The following C8orf88 variants were observed in gnomAD, a reference collection of about 807,000 sequenced individuals.
C8orf88 encodes chromosome 8 open reading frame 88.
A neutral mutation model predicts 18.4 loss-of-function variants in C8orf88; 14 were observed. The observed-to-expected ratio is 0.76, with a 90% CI of 0.50 to 1.19. The LOEUF (loss-of-function observed/expected upper bound fraction) is 1.19. Ranked by LOEUF, C8orf88 falls within the 50% of genes most tolerant of loss-of-function variation. C8orf88 has a pLI of 0.00. For missense variants in C8orf88, 116 were observed against 134.7 expected (o/e 0.86, Z 0.69); for synonymous variants, 45 against 42.9 (o/e 1.05, Z -0.19).
chr8:90,967,941 A>G (rs879826836), intron 4 of C8orf88, among the ~76,000 whole-genome samples: 3 of 151,778 alleles, frequency 2.0e-5, no homozygotes, highest in Non-Finnish European at 4.4e-5. Context: ...AAATGGGAAG[A>G]TTTCTTATAT....
chr8:90,976,021 C>T (rs1384033336), intron 3 of C8orf88, among the ~76,000 whole-genome samples: 1 of 150,940 alleles, frequency 6.6e-6, no homozygotes, highest in Admixed American at 6.6e-5. Flanking sequence ...AAGGAATATA[C>T]ATGATATTTT....
chr8:90,962,412 TAA>T (rs35136728), intron 4 of C8orf88, among the ~76,000 whole-genome samples: 1 of 151,460 alleles, frequency 6.6e-6, no homozygotes, highest in Non-Finnish European at 1.5e-5. Context: ...TAGAGAACTC[TAA>T]AAGTCTTTCA....
At position 90,960,751 on chromosome 8, in the gene C8orf88, CAGTA is replaced by C. The variant is rs1811114108; in HGVS notation, c.317_320del (p.Val106GlyfsTer30). 6.6e-6 allele frequency: 10 copies of C among 1,520,540 alleles called. No individual in the cohort carries two copies. In the South Asian group the frequency reaches 1.1e-4, roughly 17 times the overall value. 94.2% of individuals were successfully genotyped at this position (1,520,540 alleles called of 1,614,324 possible). A position where few individuals can be genotyped will look rare whatever the true frequency, so the allele number is the denominator to read the frequency against. On this transcript the variant is annotated frameshift_variant, in exon 5 of 6. Coordinates refer to ENST00000517562, the MANE Select transcript of C8orf88 (RefSeq NM_001190972.2). LOFTEE classifies it high-confidence loss of function. The stretch of plus-strand genomic sequence containing the variant: ...TTAGAAAACTACTTACTGGTTTTTG[CAGTA>C]CAATGGGATGATCAGGCAGAAAGTC...
At chr8:90,981,764 C>T (rs944044153) in intron 1 of C8orf88, among the ~76,000 whole-genome samples, 9 of 152,062 alleles carry the variant, frequency 5.9e-5, no homozygotes, top group African/African-American at 2.2e-4. Flanking sequence ...CTAAGTACCT[C>T]GTCATTGCAA....
At chr8:90,981,602 A>G (rs1811436211) in intron 1 of C8orf88, among the ~76,000 whole-genome samples, 1 of 152,144 alleles carries the variant, frequency 6.6e-6, no homozygotes, top group Non-Finnish European at 1.5e-5. Context: ...TCCCTACTGT[A>G]TTTTATCACT....
chr8:90,965,220 G>A (rs1169315188), intron 4 of C8orf88, among the ~76,000 whole-genome samples: 1 of 151,688 alleles, frequency 6.6e-6, no homozygotes. Context: ...AAAGAGAGCT[G>A]AAGTGAGTAT....
rs1811113783 is a variant in C8orf88 at position 90,960,729 on chromosome 8, G to A, written c.330+13C>T. ...AATATAATATTACAATACAAACTTA[G>A]AAAACTACTTACTGGTTTTTGCAGT... On this transcript the variant is annotated intron_variant, in intron 5 of 5. Transcript: ENST00000517562. The A allele has an allele frequency of 6.8e-7, 1 of 1,465,158 alleles. No homozygotes were observed. Among genetic ancestry groups the A allele is most frequent in the Non-Finnish European group, 9.2e-7 (1 of 1,092,420 alleles). 90.8% of individuals were successfully genotyped at this position (1,465,158 alleles called of 1,614,324 possible).
At chr8:90,972,789 C>A (rs1811301667) in intron 3 of C8orf88, among the ~76,000 whole-genome samples, 1 of 151,988 alleles carries the variant, frequency 6.6e-6, no homozygotes, top group African/African-American at 2.4e-5. Flanking sequence ...CTCAAGGCTA[C>A]TATGTAAATT....
At chr8:90,978,105 T>A (rs1448397719) in intron 3 of C8orf88, among the ~76,000 whole-genome samples, 1 of 152,220 alleles carries the variant, frequency 6.6e-6, no homozygotes, top group African/African-American at 2.4e-5. Context: ...AACTTTTCAA[T>A]AAATGTCATT....
intron 4 of C8orf88, among the ~76,000 whole-genome samples, chr8:90,962,385 C>T (rs547688302): frequency 2.0e-5 from 3 of 151,606 alleles, no homozygotes; most frequent in African/African-American, 4.8e-5. Flanking sequence ...TAAGTGAAGT[C>T]AGGGAAAATA....
At chr8:90,961,783 T>G (rs1811131798) in intron 4 of C8orf88, among the ~76,000 whole-genome samples, 1 of 151,410 alleles carries the variant, frequency 6.6e-6, no homozygotes. Flanking sequence ...AGATAATATA[T>G]AGATGAAGGG....
chr8:90,975,932 A>T (rs1444377181), intron 3 of C8orf88, among the ~76,000 whole-genome samples: 1 of 72,314 alleles, frequency 1.4e-5, no homozygotes, highest in Non-Finnish European at 2.3e-5. Context: ...ATTCCACATT[A>T]AAAAAAAAAA....
At chr8:90,964,209 A>G (rs900906849) in intron 4 of C8orf88, among the ~76,000 whole-genome samples, 1 of 151,700 alleles carries the variant, frequency 6.6e-6, no homozygotes, top group African/African-American at 2.4e-5. Context: ...GTATAATAAA[A>G]GAGATTCTTC....
rs397791787 is a variant in C8orf88, at chr8:90,975,943, A to AC, written c.147+2635dup. ...CACTATTCCACATTAAAAAAAAAAA[A>AC]CAACTACTGATATATACAACATGAA... On this transcript the variant is annotated intron_variant, in intron 3 of 5. Transcript: ENST00000517562. Among the ~76,000 whole-genome samples the AC allele has an allele frequency of 3.0e-3, 449 of 151,724 alleles. 1 individual carries two copies. The highest frequency in any genetic ancestry group is 6.6e-3 in the African/African-American group (275 of 41,372).
chr8:90,970,866 C>G (rs1403203911), intron 4 of C8orf88, among the ~76,000 whole-genome samples, 200 bp downstream of exon 4: 2 of 152,048 alleles, frequency 1.3e-5, no homozygotes, highest in African/African-American at 4.8e-5. Flanking sequence ...TAATAAACTC[C>G]TATCTTGTTT....
chr8:90,981,122 T>C (rs922947539), intron 1 of C8orf88, among the ~76,000 whole-genome samples: 4 of 152,188 alleles, frequency 2.6e-5, no homozygotes, highest in African/African-American at 7.2e-5. Context: ...TTTCTAATTG[T>C]CTAATAATAT....
chr8:90,960,671 G>T (rs2631017), intron 5 of C8orf88, 71 bp downstream of exon 5: 231,165 of 813,002 alleles, frequency 0.28, 36,555 homozygotes, highest in East Asian at 0.58. Flanking sequence ...TAGAGGTAGA[G>T]TCTGATGAAA....
At position 90,980,470 on chromosome 8, in the gene C8orf88, C is replaced by CA. The variant is rs1219291015; in HGVS notation, c.-26-10dup. The CA allele has an allele frequency of 7.5e-6, 9 of 1,193,618 alleles. No individual in the cohort carries two copies. Among genetic ancestry groups the CA allele is most frequent in the Non-Finnish European group, 9.3e-6 (8 of 857,302 alleles). 73.9% of individuals were successfully genotyped at this position (1,193,618 alleles called of 1,614,324 possible). A position where few individuals can be genotyped will look rare whatever the true frequency, so the allele number is the denominator to read the frequency against. On this transcript the variant is annotated splice_polypyrimidine_tract_variant and intron_variant, in intron 1 of 5. Transcript: ENST00000517562. ...GACTTTGAGGTTCCATACTAGAAGA[C>CA]AAAAAAATACATTTTTATCTTTTGG...
At chr8:90,972,975 A>T (rs776221994) in intron 3 of C8orf88, among the ~76,000 whole-genome samples, 1 of 152,098 alleles carries the variant, frequency 6.6e-6, no homozygotes, top group Non-Finnish European at 1.5e-5. Context: ...GACCCGTTGA[A>T]CTCATTCATT....
Sources: gnomAD v4.1 joint callset for allele counts (sites outside exome capture counted in the v4.1 genomes callset) on GRCh38, gnomAD v4.1.1 for gene constraint, MANE v1.5 for transcripts, NCBI Gene and HGNC (gene_info 2026-07-23, HGNC 2026-07-21) for gene names.